Variants in LARGE1 observed in about 807,000 individuals in gnomAD.
The protein encoded by LARGE1 is xylosyl- and glucuronyltransferase LARGE1.
In LARGE1, 43 loss-of-function variants were observed where a neutral mutation model predicts 87.6. That is an observed-to-expected ratio of 0.49 (90% CI 0.38 to 0.63). The LOEUF is 0.63. Among genes scored for constraint, LARGE1 ranks in the 30% least tolerant of loss-of-function variants. The pLI, the probability that LARGE1 is intolerant of heterozygous loss-of-function variation, is 0.00. For synonymous variants in LARGE1, 434 were observed against 394.6 expected, an observed-to-expected ratio of 1.10 and a Z score of -1.18; for missense variants, 802 against 1,000.2, an observed-to-expected ratio of 0.80 and a Z score of 2.67.
chr22:33,699,957 T>C (rs748066309), intron 2 of LARGE1, among the ~76,000 whole-genome samples: 4 of 150,774 alleles, frequency 2.7e-5, no homozygotes, highest in Admixed American at 2.6e-4. Flanking sequence ...CCATGTCTAT[T>C]TTGTCTATTT....
At chr22:33,410,688 T>C (rs1427373618) in intron 7 of LARGE1, among the ~76,000 whole-genome samples, 2 of 151,942 alleles carry the variant, frequency 1.3e-5, no homozygotes, top group African/African-American at 4.8e-5. Flanking sequence ...TTTATAGCAG[T>C]GTGAGAATGG....
the LARGE1 span, among the ~76,000 whole-genome samples, chr22:33,104,011 AT>A: frequency 1.3e-5 from 2 of 152,224 alleles, no homozygotes; most frequent in African/African-American, 4.8e-5. Flanking sequence ...CCGTGAGTCC[AT>A]TAAACCTCTT....
At chr22:33,356,555 T>G (rs1400505889) in intron 9 of LARGE1, among the ~76,000 whole-genome samples, 1 of 152,170 alleles carries the variant, frequency 6.6e-6, no homozygotes, top group Non-Finnish European at 1.5e-5. Context: ...GCGGATCACT[T>G]GAAGTCAGGA....
At chr22:33,467,834 A>G (rs758852164) in intron 6 of LARGE1, among the ~76,000 whole-genome samples, 17 of 152,140 alleles carry the variant, frequency 1.1e-4, no homozygotes, top group Non-Finnish European at 2.1e-4. Flanking sequence ...GTTTTTGTCC[A>G]TGTTACCAAA....
At chr22:33,144,677 G>A in the LARGE1 span, among the ~76,000 whole-genome samples, 1 of 151,996 alleles carries the variant, frequency 6.6e-6, no homozygotes, top group Non-Finnish European at 1.5e-5. Flanking sequence ...AATGCCAAAG[G>A]TGGTGGAAAA....
At position 33,274,401 on chromosome 22, in the gene LARGE1, T is replaced by G. The variant is rs1928740628; in HGVS notation, c.*26A>C. On this transcript the variant is annotated 3_prime_UTR_variant, in exon 15 of 15. Coordinates refer to ENST00000397394, the MANE Select transcript of LARGE1 (RefSeq NM_133642.5). Reference sequence around the variant, plus strand: ...AGTGGCACTTCCCCTACAGCATGTCTCCCCCTAGTGGTGGGCTTCTTGGTG... The same window carrying G: ...AGTGGCACTTCCCCTACAGCATGTCGCCCCCTAGTGGTGGGCTTCTTGGTG... The G allele has an allele frequency of 6.2e-7, 1 of 1,610,440 alleles. No individual in the cohort carries two copies. Among genetic ancestry groups the G allele is most frequent in the Admixed American group, 1.7e-5 (1 of 59,994 alleles).
At chr22:33,260,030 T>G (rs1249796720) in intron 11 of LARGE1, among the ~76,000 whole-genome samples, 1 of 152,210 alleles carries the variant, frequency 6.6e-6, no homozygotes, top group Non-Finnish European at 1.5e-5. Context: ...ATTATTCCCT[T>G]GCTATAAACA....
intron 11 of LARGE1, among the ~76,000 whole-genome samples, chr22:33,236,135 A>G (rs940799778): frequency 6.6e-6 from 1 of 152,138 alleles, no homozygotes; most frequent in Non-Finnish European, 1.5e-5. Context: ...AGATCCCCCA[A>G]AAGGAACCAA....
At chr22:33,652,756 T>C (rs940705220) in intron 2 of LARGE1, among the ~76,000 whole-genome samples, 1 of 152,224 alleles carries the variant, frequency 6.6e-6, no homozygotes, top group African/African-American at 2.4e-5. Context: ...CAGGTCTCAC[T>C]TGTGCTTGTG....
intron 1 of LARGE1, among the ~76,000 whole-genome samples, chr22:33,906,284 T>C (rs950076976): frequency 2.0e-5 from 3 of 152,210 alleles, no homozygotes; most frequent in Non-Finnish European, 4.4e-5. Context: ...GCTGGAGATG[T>C]GAAAATTTAT....
chr22:33,816,890 C>T (rs1200005900), intron 1 of LARGE1, among the ~76,000 whole-genome samples: 3 of 152,148 alleles, frequency 2.0e-5, no homozygotes, highest in South Asian at 2.1e-4. Flanking sequence ...GTGAGTCTAA[C>T]GCACTGCCAA....
intron 4 of LARGE1, among the ~76,000 whole-genome samples, chr22:33,617,947 C>T (rs1204260904): frequency 1.3e-5 from 2 of 152,200 alleles, no homozygotes; most frequent in Non-Finnish European, 2.9e-5. Context: ...CTTATTTTGT[C>T]AGGAATGTGC....
Position 33,337,712 on chromosome 22 carries a change from A to G in LARGE1, c.1221T>C (p.Tyr407=), listed in dbSNP as rs1200900548. The change falls in exon 10 of 15, where the codon TAT becomes TAC. Residue 407 remains tyrosine (Y), a synonymous_variant. Transcript: ENST00000397394. ...GTTCCCGCCTCAGAAGATTGCCGTCATACTCCAGGAAGGTCAGGTAGAGGT... is the reference window on the plus strand; with the variant it reads ...GTTCCCGCCTCAGAAGATTGCCGTCGTACTCCAGGAAGGTCAGGTAGAGGT... The part of the protein sequence containing the change: ...FRNLYLTFLE[Y]DGNLLRRELF... 6.2e-7 allele frequency: 1 copy of G among 1,614,168 alleles called. No individual in the cohort carries two copies. Among genetic ancestry groups the G allele is most frequent in the Non-Finnish European group, 8.5e-7 (1 of 1,180,030 alleles).
intron 7 of LARGE1, among the ~76,000 whole-genome samples, chr22:33,407,050 C>T (rs907015650): frequency 1.3e-5 from 2 of 152,214 alleles, no homozygotes; most frequent in Non-Finnish European, 1.5e-5. Context: ...ACCTCAGCCT[C>T]CCAAAGTACT....
chr22:33,813,804 A>G (rs1418823273), intron 1 of LARGE1, among the ~76,000 whole-genome samples: 1 of 152,140 alleles, frequency 6.6e-6, no homozygotes, highest in East Asian at 1.9e-4. Context: ...CGATGCTCCC[A>G]ACTTCAGCCT....
chr22:33,128,417 G>C, the LARGE1 span, among the ~76,000 whole-genome samples: 5 of 152,238 alleles, frequency 3.3e-5, no homozygotes, highest in Non-Finnish European at 7.3e-5. Context: ...GCTCATGCCT[G>C]TAATCCCAGC....
chr22:33,542,386 T>C (rs2077238331), intron 6 of LARGE1, among the ~76,000 whole-genome samples: 1 of 151,742 alleles, frequency 6.6e-6, no homozygotes, highest in South Asian at 2.1e-4. Context: ...TGTGTCTCCA[T>C]TCCTGCCTTG....
chr22:33,349,110 T>C (rs1425291798), intron 9 of LARGE1, among the ~76,000 whole-genome samples: 1 of 152,146 alleles, frequency 6.6e-6, no homozygotes, highest in Non-Finnish European at 1.5e-5. Flanking sequence ...CAGTCTCAGA[T>C]ATTTCTTCAT....
In LARGE1 at chr22:33,473,469, C is replaced by A. The variant is rs5998954; in HGVS notation, c.788-41204G>T. On this transcript the variant is annotated intron_variant, in intron 6 of 14. Transcript: ENST00000397394. ...GGTTCAAGTGATTCTCCCGCCTCAG[C>A]CTCCTGAGCAGCTGGGACTAGGGGC... Among the ~76,000 whole-genome samples, 753 of 152,328 alleles carry A rather than the reference C, an allele frequency of 4.9e-3. 7 individuals are homozygous for A. Among genetic ancestry groups the A allele is most frequent in the African/African-American group, 0.017 (706 of 41,572 alleles).
Sources: gnomAD v4.1 joint callset for allele counts (sites outside exome capture counted in the v4.1 genomes callset) on GRCh38, gnomAD v4.1.1 for gene constraint, MANE v1.5 for transcripts, NCBI Gene and HGNC (gene_info 2026-07-23, HGNC 2026-07-21) for gene names.